The following FHIT variants were observed in gnomAD, a reference collection of about 807,000 sequenced individuals.
FHIT encodes fragile histidine triad diadenosine triphosphatase.
Under a neutral mutation model 17.9 loss-of-function variants are expected in FHIT, and 19 were observed. The ratio of observed to expected loss-of-function variants is 1.06; its 90% CI spans 0.74 to 1.56. FHIT has a LOEUF of 1.56. FHIT is among the 40% of genes most tolerant of loss of function. The pLI, the probability that FHIT is intolerant of heterozygous loss-of-function variation, is 0.00. For synonymous variants in FHIT, 81 were observed against 69.7 expected (o/e 1.16, Z -0.81); for missense variants, 248 against 189.2 (o/e 1.31, Z -1.82).
intron 1 of FHIT, among the ~76,000 whole-genome samples, chr3:61,204,639 T>C (rs954376679): frequency 8.3e-6 from 1 of 120,762 alleles, no homozygotes; most frequent in Admixed American, 9.3e-5. Context: ...TCAAAACGAA[T>C]GTTTTAAAAT....
At chr3:60,915,073 A>G (rs2107287857) in intron 3 of FHIT, among the ~76,000 whole-genome samples, 1 of 152,376 alleles carries the variant, frequency 6.6e-6, no homozygotes, top group Middle Eastern at 3.4e-3. Context: ...AGATTCATGT[A>G]TAATGACTTG....
At chr3:60,313,445 G>A (rs1216236029) in intron 5 of FHIT, among the ~76,000 whole-genome samples, 1 of 152,186 alleles carries the variant, frequency 6.6e-6, no homozygotes, top group Non-Finnish European at 1.5e-5. Context: ...GGGGAGGAGT[G>A]TGAGCAGGCT....
intron 5 of FHIT, among the ~76,000 whole-genome samples, chr3:60,022,426 C>A (rs1055786601): frequency 1.3e-5 from 2 of 152,142 alleles, no homozygotes; most frequent in Admixed American, 1.3e-4. Flanking sequence ...GAGTTGTGAG[C>A]GAAAATGATA....
chr3:60,721,472 T>C (rs2041808241), intron 4 of FHIT, among the ~76,000 whole-genome samples: 1 of 152,088 alleles, frequency 6.6e-6, no homozygotes, highest in Admixed American at 6.6e-5. Flanking sequence ...TTGAGAACCA[T>C]TTACAATTAT....
chr3:60,572,726 G>T (rs1359043823), intron 4 of FHIT, among the ~76,000 whole-genome samples: 1 of 152,132 alleles, frequency 6.6e-6, no homozygotes, highest in Non-Finnish European at 1.5e-5. Context: ...AGGATAGAAG[G>T]CTTTAGATGG....
intron 8 of FHIT, among the ~76,000 whole-genome samples, chr3:59,834,334 A>C (rs552046451): frequency 6.6e-6 from 1 of 152,314 alleles, no homozygotes; most frequent in South Asian, 2.1e-4. Context: ...CTGGCAGAGT[A>C]TATTTGTTAA....
intron 5 of FHIT, among the ~76,000 whole-genome samples, chr3:60,284,134 C>A (rs1409616239): frequency 6.6e-6 from 1 of 152,120 alleles, no homozygotes; most frequent in African/African-American, 2.4e-5. Flanking sequence ...ATATATTACA[C>A]TATTTGTCTG....
intron 5 of FHIT, among the ~76,000 whole-genome samples, chr3:60,302,853 C>T (rs1380275474): frequency 6.6e-6 from 1 of 152,140 alleles, no homozygotes; most frequent in Non-Finnish European, 1.5e-5. Flanking sequence ...AATTTCTCAT[C>T]AAGCATCACT....
At chr3:60,222,809 G>A (rs1704022292) in intron 5 of FHIT, among the ~76,000 whole-genome samples, 1 of 152,152 alleles carries the variant, frequency 6.6e-6, no homozygotes, top group Admixed American at 6.5e-5. Flanking sequence ...GCTGAGGCAG[G>A]AGAACTGCTT....
At chr3:59,859,965 A>G (rs1702337392) in intron 8 of FHIT, among the ~76,000 whole-genome samples, 1 of 152,180 alleles carries the variant, frequency 6.6e-6, no homozygotes, top group East Asian at 1.9e-4. Context: ...TTGGGAAGGT[A>G]ATCAAACACC....
At chr3:60,415,086 A>G (rs951588658) in intron 5 of FHIT, among the ~76,000 whole-genome samples, 1 of 152,176 alleles carries the variant, frequency 6.6e-6, no homozygotes, top group African/African-American at 2.4e-5. Context: ...AGGCATTCTG[A>G]TGCTGGTAGA....
chr3:60,874,598 C>A (rs1010710095), intron 3 of FHIT, among the ~76,000 whole-genome samples: 2 of 152,190 alleles, frequency 1.3e-5, no homozygotes, highest in African/African-American at 2.4e-5. Flanking sequence ...GTAACCAGGA[C>A]AGGGACAGAA....
At position 60,437,864 on chromosome 3, in the gene FHIT, T is replaced by C. The variant is rs371659589; in HGVS notation, c.103+98996A>G. Among the ~76,000 whole-genome samples the C allele has an allele frequency of 2.6e-5, 4 of 152,092 alleles. No homozygotes were observed. The East Asian group carries it at 5.8e-4, about 22-fold the overall frequency. ...ATACTTTAAGATATTCTCTACCCCA[T>C]GCACCAAAATCATGACTAGTCACTT... On this transcript the variant is annotated intron_variant, in intron 5 of 9. Coordinates refer to ENST00000492590, the MANE Select transcript of FHIT (RefSeq NM_002012.4).
chr3:61,044,773 C>T lies in FHIT; in HGVS notation c.-163-2674G>A, dbSNP rs1291701570. 2.0e-5 allele frequency among the ~76,000 whole-genome samples: 3 copies of T among 152,222 alleles called. 1 individual carries two copies. Among genetic ancestry groups the T allele is most frequent in the Non-Finnish European group, 2.9e-5 (2 of 68,038 alleles). ...CACAAAGGGAAGCACATCAGACTAA[C>T]AGCGGATCTCTCAGCAGAAACTCTA... On this transcript the variant is annotated intron_variant, in intron 2 of 9. Coordinates refer to ENST00000492590, the MANE Select transcript of FHIT (RefSeq NM_002012.4).
chr3:60,934,217 A>G (rs1332959242), intron 3 of FHIT, among the ~76,000 whole-genome samples: 1 of 151,980 alleles, frequency 6.6e-6, no homozygotes, highest in African/African-American at 2.4e-5. Context: ...AGAAATGGAG[A>G]CCTGAAAAGA....
intron 5 of FHIT, among the ~76,000 whole-genome samples, chr3:60,488,050 G>A (rs2107493230): frequency 6.6e-6 from 1 of 152,278 alleles, no homozygotes; most frequent in African/African-American, 2.4e-5. Context: ...GTTCTATGAA[G>A]GAAGGCAAGG....
At chr3:60,472,819 T>C (rs1576716458) in intron 5 of FHIT, among the ~76,000 whole-genome samples, 1 of 152,124 alleles carries the variant, frequency 6.6e-6, no homozygotes, top group Admixed American at 6.5e-5. Context: ...CCCAAAGACA[T>C]CTAAGCAAAA....
intron 8 of FHIT, among the ~76,000 whole-genome samples, chr3:59,754,252 G>A (rs900452823): frequency 2.6e-5 from 4 of 152,120 alleles, no homozygotes; most frequent in Admixed American, 2.0e-4. Context: ...CATATAACCG[G>A]GCCACAGATA....
intron 5 of FHIT, among the ~76,000 whole-genome samples, chr3:60,249,021 G>A (rs998511769): frequency 4.6e-5 from 7 of 152,070 alleles, no homozygotes; most frequent in East Asian, 1.9e-4. Context: ...TCAGTCAATC[G>A]AATATAAAAG....
Sources: allele counts gnomAD v4.1 joint callset (sites outside exome capture counted in the v4.1 genomes callset), GRCh38; gene constraint gnomAD v4.1.1; transcripts MANE v1.5; gene names NCBI Gene and HGNC (gene_info 2026-07-23, HGNC 2026-07-21).